NBAS: variants seen among roughly 807,000 people sequenced by gnomAD.
NBAS encodes the protein NBAS subunit of NRZ tethering complex, also known as NAG/BC035112 fusion.
Under a neutral mutation model 302.5 loss-of-function variants are expected in NBAS, and 219 were observed. The ratio of observed to expected loss-of-function variants is 0.72; its 90% CI spans 0.65 to 0.81. The LOEUF (loss-of-function observed/expected upper bound fraction) is 0.81. NBAS is among the 30% of genes least tolerant of loss of function. NBAS has a pLI of 0.00. For missense variants in NBAS, 2,932 were observed against 2,841.6 expected, an observed-to-expected ratio of 1.03 and a Z score of -0.72; for synonymous variants, 1,118 against 1,021.6, an observed-to-expected ratio of 1.09 and a Z score of -1.80.
At chr2:14,781,087 C>T in the NBAS span, among the ~76,000 whole-genome samples, 1 of 152,102 alleles carries the variant, frequency 6.6e-6, no homozygotes, top group Non-Finnish European at 1.5e-5. Context: ...GGAAAATATG[C>T]AATAAACAAA....
At chr2:15,229,023 T>A (rs1420265537) in intron 47 of NBAS, among the ~76,000 whole-genome samples, 1 of 152,088 alleles carries the variant, frequency 6.6e-6, no homozygotes, top group African/African-American at 2.4e-5. Context: ...ATATGGTAAT[T>A]ATACCAATTT....
intron 44 of NBAS, among the ~76,000 whole-genome samples, chr2:15,254,452 G>C (rs1340338792): frequency 6.6e-6 from 1 of 152,204 alleles, no homozygotes; most frequent in Non-Finnish European, 1.5e-5. Flanking sequence ...TGATTACAAA[G>C]TGGTAGAAAG....
intron 7 of NBAS, 76 bp from the exon 8 acceptor site, chr2:15,536,627 T>A: frequency 4.9e-5 from 45 of 915,032 alleles, no homozygotes; most frequent in Non-Finnish European, 7.0e-5. Context: ...AATTAGAGAA[T>A]ATCTGATACA....
At chr2:15,321,814 T>C (rs962874936) in intron 38 of NBAS, among the ~76,000 whole-genome samples, 2 of 152,130 alleles carry the variant, frequency 1.3e-5, no homozygotes, top group Admixed American at 6.5e-5. Flanking sequence ...GTTCAACCAT[T>C]GTGGAAGACA....
Position 15,177,634 on chromosome 2 carries a change from G to C in NBAS, c.6840+1354C>G, listed in dbSNP as rs1165694311. On this transcript the variant is annotated intron_variant, in intron 51 of 51. Coordinates refer to ENST00000281513, the MANE Select transcript of NBAS (RefSeq NM_015909.4). ...CTAACACAGTGTACGAGGGTGGGGA[G>C]GAAAAAAAATGCACTGAGAATATGC... 2.0e-5 allele frequency among the ~76,000 whole-genome samples: 3 copies of C among 151,722 alleles called. No homozygotes were observed. In the East Asian group the frequency reaches 5.8e-4, roughly 29 times the overall value.
At chr2:15,401,125 C>T (rs10179765) in intron 26 of NBAS, among the ~76,000 whole-genome samples, 94,916 of 151,478 alleles carry the variant, frequency 0.63, 30,467 homozygotes, top group Middle Eastern at 0.69. Flanking sequence ...CAGTTAGAGC[C>T]CAACTTTGAA....
chr2:14,869,523 T>C, the NBAS span, among the ~76,000 whole-genome samples: 439 of 152,324 alleles, frequency 2.9e-3, 3 homozygotes, highest in African/African-American at 0.01. Flanking sequence ...TCAAAGTTTT[T>C]TAATGAGACC....
chr2:14,808,575 T>C, the NBAS span, among the ~76,000 whole-genome samples: 199 of 152,346 alleles, frequency 1.3e-3, 1 homozygote, highest in African/African-American at 4.6e-3. Context: ...GACTTACTCC[T>C]CCTTGCCTTC....
intron 32 of NBAS, among the ~76,000 whole-genome samples, chr2:15,363,947 T>A (rs1674065150): frequency 6.6e-6 from 1 of 152,188 alleles, no homozygotes; most frequent in South Asian, 2.1e-4. Flanking sequence ...GTGAATCAGA[T>A]CGCTCTAGGA....
chr2:15,280,070 C>A (rs1203970836), intron 42 of NBAS, among the ~76,000 whole-genome samples: 1 of 152,128 alleles, frequency 6.6e-6, no homozygotes, highest in Non-Finnish European at 1.5e-5. Flanking sequence ...GCATATTTAA[C>A]TTTCAGAGAT....
intron 27 of NBAS, among the ~76,000 whole-genome samples, chr2:15,395,568 G>A (rs1223592642): frequency 2.0e-5 from 3 of 151,804 alleles, no homozygotes; most frequent in South Asian, 2.1e-4. Context: ...CACATATTAC[G>A]GTGCACAAAA....
At chr2:15,317,981 T>A (rs1019488445) in intron 38 of NBAS, among the ~76,000 whole-genome samples, 8 of 152,158 alleles carry the variant, frequency 5.3e-5, no homozygotes, top group Non-Finnish European at 1.0e-4. Flanking sequence ...GGAAAAAATG[T>A]TAAGGGCAGC....
chr2:15,285,006 A>T (rs1031804909), intron 42 of NBAS, among the ~76,000 whole-genome samples: 1 of 152,252 alleles, frequency 6.6e-6, no homozygotes, highest in African/African-American at 2.4e-5. Context: ...TCCTGTTTGT[A>T]CAGATACAAC....
chr2:15,099,109 C>A, the NBAS span, among the ~76,000 whole-genome samples: 3 of 152,070 alleles, frequency 2.0e-5, no homozygotes, highest in Non-Finnish European at 2.9e-5. Flanking sequence ...TTGAGACCAG[C>A]CTGGCCAACA....
chr2:15,169,583 G>A (rs901747805), intron 51 of NBAS, among the ~76,000 whole-genome samples: 1 of 152,178 alleles, frequency 6.6e-6, no homozygotes, highest in Non-Finnish European at 1.5e-5. Flanking sequence ...GGTTCAGTGA[G>A]GTCAAGTGTG....
chr2:15,213,585 A>G (rs1340868077), intron 48 of NBAS, among the ~76,000 whole-genome samples: 1 of 152,212 alleles, frequency 6.6e-6, no homozygotes, highest in Non-Finnish European at 1.5e-5. Context: ...AAGGCCAAGA[A>G]TATAGGTTTT....
chr2:15,465,176 A>G (rs1256638157), intron 19 of NBAS, among the ~76,000 whole-genome samples: 2 of 152,202 alleles, frequency 1.3e-5, no homozygotes, highest in African/African-American at 2.4e-5. Context: ...GACCTCTTCA[A>G]TGAGCCAGGA....
At chr2:15,457,821 T>C (rs1679318754) in intron 21 of NBAS, among the ~76,000 whole-genome samples, 1 of 152,228 alleles carries the variant, frequency 6.6e-6, no homozygotes, top group Non-Finnish European at 1.5e-5. Flanking sequence ...AAGTACATCT[T>C]ACTGCTCTAC....
the NBAS span, among the ~76,000 whole-genome samples, chr2:15,152,038 G>A: frequency 2.0e-5 from 3 of 151,960 alleles, no homozygotes; most frequent in African/African-American, 7.2e-5. Flanking sequence ...TTAGTAGAGA[G>A]GGGGTTTCAC....
Sources: gnomAD v4.1 joint callset for allele counts (sites outside exome capture counted in the v4.1 genomes callset) on GRCh38, gnomAD v4.1.1 for gene constraint, MANE v1.5 for transcripts, NCBI Gene and HGNC (gene_info 2026-07-23, HGNC 2026-07-21) for gene names.